The following PIK3CB variants were observed in gnomAD, a reference collection of about 807,000 sequenced individuals.
PIK3CB encodes phosphatidylinositol 4,5-bisphosphate 3-kinase catalytic subunit beta isoform.
A neutral mutation model predicts 136.8 loss-of-function variants in PIK3CB; 39 were observed. That is an observed-to-expected ratio of 0.29 (90% CI 0.22 to 0.37). The LOEUF (loss-of-function observed/expected upper bound fraction) is 0.37, where lower values mean the gene tolerates loss of function less well. PIK3CB is among the 10% of genes least tolerant of loss of function. The probability of loss-of-function intolerance (pLI) is 1.00; values close to 1 mark genes in which losing one functional copy is unlikely to be tolerated. For synonymous variants in PIK3CB, 428 were observed against 436.6 expected (o/e 0.98, Z 0.25); for missense variants, 868 against 1,275.4 (o/e 0.68, Z 4.87).
At chr3:138,685,097 G>A (rs2043855718) in intron 16 of PIK3CB, 1 of 276,870 alleles carries the variant, frequency 3.6e-6, no homozygotes, top group Non-Finnish European at 6.9e-6. Context: ...GATAAATGTG[G>A]GCCAGGTGCG....
rs1249203666 is a variant in PIK3CB, at chr3:138,704,582, T to C, written c.1531-89A>G. On this transcript the variant is annotated intron_variant, in intron 11 of 23. Transcript: ENST00000674063. ...TGACTACATTTGTACTTAGACTACA[T>C]AAGATCTGGCATTGCTATGCTTTGT... 4.8e-6 allele frequency: 4 copies of C among 838,736 alleles called. No homozygotes were observed. The Admixed American group carries it at 5.5e-5, about 11-fold the overall frequency. The allele number at this position is 838,736 out of a possible 1,614,324, so 52.0% of individuals were successfully genotyped here. A position where few individuals can be genotyped will look rare whatever the true frequency, so the allele number is the denominator to read the frequency against.
At chr3:138,672,910 GAAAAAAAAAA>G (rs748631273) in intron 19 of PIK3CB, among the ~76,000 whole-genome samples, 1 of 61,364 alleles carries the variant, frequency 1.6e-5, no homozygotes, top group Non-Finnish European at 3.3e-5. Flanking sequence ...AGACTCCGTT[GAAAAAAAAAA>G]AAAAAAAAAA....
intron 2 of PIK3CB, chr3:138,770,632 C>T (rs1489976734): frequency 6.6e-6 from 1 of 151,244 alleles, no homozygotes; most frequent in Non-Finnish European, 1.5e-5. Context: ...ATGGTGTGAA[C>T]CCAGAAGGTG....
At chr3:138,705,200 AACTTATATTTGCAAATAT>A (rs2044354202) in intron 11 of PIK3CB, among the ~76,000 whole-genome samples, 1 of 144,170 alleles carries the variant, frequency 6.9e-6, no homozygotes, top group East Asian at 2.1e-4. Flanking sequence ...CAAAAAAAAA[AACTTATATTTGCAAATAT>A]AGGAGGCTAT....
intron 2 of PIK3CB, among the ~76,000 whole-genome samples, chr3:138,760,655 C>T (rs2045651376): frequency 6.6e-6 from 1 of 152,170 alleles, no homozygotes; most frequent in African/African-American, 2.4e-5. Flanking sequence ...GCCTGTAATA[C>T]CATTACTTGG....
intron 19 of PIK3CB, among the ~76,000 whole-genome samples, chr3:138,674,937 T>C (rs1182693249): frequency 6.6e-6 from 1 of 152,078 alleles, no homozygotes. Context: ...CCGCTTGTCA[T>C]TATCCCAGCT....
In PIK3CB at chr3:138,684,612, C is replaced by T. The variant is rs199960911; in HGVS notation, c.2315+13G>A. 12 of 1,582,264 alleles carry T rather than the reference C, an allele frequency of 7.6e-6. No homozygotes were observed. In the African/African-American group the frequency reaches 1.5e-4, roughly 20 times the overall value. ...TTCATAGGAGATTCACTGCGCAAAG[C>T]ACAGTCACTTACTAGAGTTCTGAGA... is the stretch of plus-strand genomic sequence containing the variant. On this transcript the variant is annotated intron_variant, in intron 17 of 23. Coordinates refer to ENST00000674063, the MANE Select transcript of PIK3CB (RefSeq NM_006219.3).
At chr3:138,778,760 G>T in intron 2 of PIK3CB, 2 of 276,252 alleles carry the variant, frequency 7.2e-6, no homozygotes, top group Admixed American at 3.8e-5. Context: ...GTATGACAAT[G>T]AATTTGGCTA....
chr3:138,779,026 C>T (rs1366798338), intron 2 of PIK3CB, among the ~76,000 whole-genome samples: 1 of 46,662 alleles, frequency 2.1e-5, no homozygotes, highest in Non-Finnish European at 3.4e-5. Flanking sequence ...CCCTCTACTG[C>T]CAAAAAAAAA....
intron 14 of PIK3CB, among the ~76,000 whole-genome samples, chr3:138,693,962 TATATTATATATATATA>T (rs1162376134): frequency 2.8e-5 from 1 of 35,292 alleles, no homozygotes; most frequent in African/African-American, 1.7e-4. Context: ...TATATATATA[TATATTATATATATATA>T]TATATATATA....
At chr3:138,734,931 T>A in intron 6 of PIK3CB, 127 bp from the exon 7 acceptor site, 40 of 435,756 alleles carry the variant, frequency 9.2e-5, no homozygotes, top group South Asian at 1.7e-4. Context: ...CAGCAGAATA[T>A]CAAGAAATTA....
At chr3:138,780,188 G>A (rs2045907938) in intron 2 of PIK3CB, among the ~76,000 whole-genome samples, 1 of 152,038 alleles carries the variant, frequency 6.6e-6, no homozygotes, top group Non-Finnish European at 1.5e-5. Context: ...TCGAACTCCC[G>A]ACCTCAAGTG....
intron 13 of PIK3CB, among the ~76,000 whole-genome samples, chr3:138,695,528 G>A (rs1559821272): frequency 6.6e-6 from 1 of 152,024 alleles, no homozygotes; most frequent in East Asian, 1.9e-4. Context: ...ATTATGGCAA[G>A]CCCTCCCCCA....
chr3:138,690,251 AAAAAG>A (rs1237000794), intron 15 of PIK3CB, among the ~76,000 whole-genome samples: 2 of 151,988 alleles, frequency 1.3e-5, no homozygotes, highest in Non-Finnish European at 2.9e-5. Flanking sequence ...AGAAAAGAAG[AAAAAG>A]AAAAGAAAAG....
At chr3:138,793,554 C>T (rs2046076600) in intron 2 of PIK3CB, among the ~76,000 whole-genome samples, 2 of 150,266 alleles carry the variant, frequency 1.3e-5, no homozygotes, top group Admixed American at 6.7e-5. Flanking sequence ...TGCAATGAGC[C>T]AAGATCACAC....
At chr3:138,815,035 G>A (rs1170511782) in intron 1 of PIK3CB, among the ~76,000 whole-genome samples, 2 of 150,616 alleles carry the variant, frequency 1.3e-5, no homozygotes, top group East Asian at 3.9e-4. Context: ...AGCTACTCAG[G>A]AGGCTGAGGC....
At chr3:138,721,894 G>A (rs916697553) in intron 8 of PIK3CB, among the ~76,000 whole-genome samples, 1 of 152,084 alleles carries the variant, frequency 6.6e-6, no homozygotes, top group African/African-American at 2.4e-5. Flanking sequence ...CATTCATAAG[G>A]ATTCCCTAAG....
At chr3:138,807,411 G>A in intron 1 of PIK3CB, among the ~76,000 whole-genome samples, 1 of 152,140 alleles carries the variant, frequency 6.6e-6, no homozygotes, top group East Asian at 1.9e-4. Flanking sequence ...TCCAGCATGG[G>A]CAACAGAGTG....
At chr3:138,693,887 A>G (rs1402660271) in intron 14 of PIK3CB, among the ~76,000 whole-genome samples, 1 of 142,624 alleles carries the variant, frequency 7.0e-6, no homozygotes, top group Non-Finnish European at 1.5e-5. Flanking sequence ...TCAAGACTGG[A>G]TAAGGAAACT....
Sources: allele counts gnomAD v4.1 joint callset (sites outside exome capture counted in the v4.1 genomes callset), GRCh38; gene constraint gnomAD v4.1.1; transcripts MANE v1.5; gene names NCBI Gene and HGNC (gene_info 2026-07-23, HGNC 2026-07-21).